DYNC1H1: variants seen among roughly 807,000 people sequenced by gnomAD.
DYNC1H1 encodes dynein cytoplasmic 1 heavy chain 1.
A neutral mutation model predicts 527.1 loss-of-function variants in DYNC1H1; 51 were observed. The observed-to-expected ratio is 0.10, with a 90% CI of 0.08 to 0.12. The LOEUF (loss-of-function observed/expected upper bound fraction) is 0.12. Ranked by LOEUF, DYNC1H1 falls within the 10% of genes least tolerant of loss-of-function variation. The probability of loss-of-function intolerance (pLI) is 1.00; values close to 1 mark genes in which losing one functional copy is unlikely to be tolerated. For missense variants in DYNC1H1, 2,771 were observed against 5,971.8 expected (o/e 0.46, Z 17.66); for synonymous variants, 2,189 against 2,278.8 (o/e 0.96, Z 1.12).
rs1158482184 is a variant in DYNC1H1, at chr14:102,044,230, C to A, written c.12685-44C>A. 6.2e-7 allele frequency: 1 copy of A among 1,610,130 alleles called. No individual in the cohort carries two copies. Among genetic ancestry groups the A allele is most frequent in the African/African-American group, 1.3e-5 (1 of 74,992 alleles). ...CCCTCGAAAGGAAGCCCCGGGCCTGCCCGCCTCTGACCACACACACGAACC... is the reference window on the plus strand; with the variant it reads ...CCCTCGAAAGGAAGCCCCGGGCCTGACCGCCTCTGACCACACACACGAACC... On this transcript the variant is annotated intron_variant, in intron 70 of 77. Transcript: ENST00000360184. This position sits in a 1 kb window ranked among gnomAD's most constrained non-coding sequence, Gnocchi z 7.1.
chr14:102,036,789 C>A lies in DYNC1H1; in HGVS notation c.10908+147C>A. The A allele has an allele frequency of 9.0e-7, 1 of 1,108,974 alleles. No homozygotes were observed. The highest frequency in any genetic ancestry group is 1.3e-6 in the Non-Finnish European group (1 of 743,060). The allele number at this position is 1,108,974 out of a possible 1,614,324, so 68.7% of individuals were successfully genotyped here. A position where few individuals can be genotyped will look rare whatever the true frequency, so the allele number is the denominator to read the frequency against. On this transcript the variant is annotated intron_variant, in intron 57 of 77. Coordinates refer to ENST00000360184, the MANE Select transcript of DYNC1H1 (RefSeq NM_001376.5). This position sits in a 1 kb window ranked among gnomAD's most constrained non-coding sequence, Gnocchi z 5.6. ...GTGGTTCTGTAATAGATAAATTCAA[C>A]AGAATCATTATTTGCATTTAAAATT...
In DYNC1H1 at chr14:102,005,463, A is replaced by G. The variant is rs981540188; in HGVS notation, c.5433+227A>G. On this transcript the variant is annotated intron_variant, in intron 26 of 77. Coordinates refer to ENST00000360184, the MANE Select transcript of DYNC1H1 (RefSeq NM_001376.5). The surrounding 1 kb of genome is among the most constrained non-coding windows in gnomAD (Gnocchi z 4.0). ...ACATCACGGTAGAGAGGAAGGGATCAACCTTGGTCAGGATCTCTTGCTCTT... is the reference window on the plus strand; with the variant it reads ...ACATCACGGTAGAGAGGAAGGGATCGACCTTGGTCAGGATCTCTTGCTCTT... Among the ~76,000 whole-genome samples, 1 of 152,192 alleles carries G rather than the reference A, an allele frequency of 6.6e-6. No individual in the cohort carries two copies. The highest frequency in any genetic ancestry group is 2.4e-5 in the African/African-American group (1 of 41,446).
rs1016681268 is a variant in DYNC1H1, at chr14:102,018,342, G to A, written c.8178-109G>A. ...ATGTCAAGTCTGCATAGCTGGGTTA[G>A]GAAGCGACCTCCAGACAGGGCCCTG... On this transcript the variant is annotated intron_variant, in intron 40 of 77. Transcript: ENST00000360184. This position sits in a 1 kb window ranked among gnomAD's most constrained non-coding sequence, Gnocchi z 5.2. 1.3e-5 allele frequency: 19 copies of A among 1,493,640 alleles called. No individual in the cohort carries two copies. The African/African-American group carries it at 2.3e-4, about 18-fold the overall frequency. The allele number at this position is 1,493,640 out of a possible 1,614,324, so 92.5% of individuals were successfully genotyped here. A position where few individuals can be genotyped will look rare whatever the true frequency, so the allele number is the denominator to read the frequency against.
In DYNC1H1 at chr14:102,046,228, A is replaced by G. The variant is rs1383085002; in HGVS notation, c.13006+1530A>G. Among the ~76,000 whole-genome samples, 3 of 151,094 alleles carry G rather than the reference A, an allele frequency of 2.0e-5. No individual in the cohort carries two copies. In the East Asian group the frequency reaches 5.8e-4, roughly 29 times the overall value. The stretch of plus-strand genomic sequence containing the variant: ...CTGCCCAGGCGCACTCTATCAGGAC[A>G]GGGGATGGGCCCAGCAACTGGCCTT... On this transcript the variant is annotated intron_variant, in intron 72 of 77. Transcript: ENST00000360184.
intron 69 of DYNC1H1, chr14:102,043,158 C>T (rs1203708585): frequency 1.2e-5 from 4 of 322,118 alleles, no homozygotes; most frequent in Admixed American, 8.7e-5. Flanking sequence ...TGGCGTGCGC[C>T]TATAATCCCA....
rs999968431 is a variant in DYNC1H1 at position 101,983,898 on chromosome 14, T to C, written c.1461+289T>C. 1.3e-5 allele frequency among the ~76,000 whole-genome samples: 2 copies of C among 152,110 alleles called. No individual in the cohort carries two copies. ...TTTACCATGTTGGCCAGGCTGGTTT[T>C]GAACTGGCCTTCAAGTGTTCCACCT... On this transcript the variant is annotated intron_variant, in intron 7 of 77. Transcript: ENST00000360184. This position sits in a 1 kb window ranked among gnomAD's most constrained non-coding sequence, Gnocchi z 5.3.
chr14:101,998,972 C>T (rs180679608), intron 16 of DYNC1H1, among the ~76,000 whole-genome samples: 1 of 148,826 alleles, frequency 6.7e-6, no homozygotes, highest in East Asian at 2.0e-4. Context: ...AGCTCTGCCT[C>T]CTGGCTTCAT....
Position 101,997,017 on chromosome 14 carries a change from A to AT in DYNC1H1, c.3565-12dup, listed in dbSNP as rs1567004013. 1 of 1,608,402 alleles carries AT rather than the reference A, an allele frequency of 6.2e-7. No homozygotes were observed. Among genetic ancestry groups the AT allele is most frequent in the Non-Finnish European group, 8.5e-7 (1 of 1,177,038 alleles). On this transcript the variant is annotated splice_polypyrimidine_tract_variant and intron_variant, in intron 15 of 77. Transcript: ENST00000360184. This position sits in a 1 kb window ranked among gnomAD's most constrained non-coding sequence, Gnocchi z 4.8. ...TGTTATAGAAGAAAAAACTTGATTTATTTTTTAACTCTCAAAGCTCTACCG... is the reference window on the plus strand; with the variant it reads ...TGTTATAGAAGAAAAAACTTGATTTATTTTTTTAACTCTCAAAGCTCTACCG...
In DYNC1H1 at chr14:102,036,372, C is replaced by A; in HGVS notation, c.10755-117C>A. ...CCTGAAAACGTCTCCGGAAACCACT[C>A]TCGGGTGGTGGTAACAGCCTATCAA... On this transcript the variant is annotated intron_variant, in intron 56 of 77. Transcript: ENST00000360184. This position sits in a 1 kb window ranked among gnomAD's most constrained non-coding sequence, Gnocchi z 5.6. The A allele has an allele frequency of 7.2e-7, 1 of 1,392,138 alleles. No individual in the cohort carries two copies. Among genetic ancestry groups the A allele is most frequent in the Non-Finnish European group, 1.0e-6 (1 of 987,492 alleles). 86.2% of individuals were successfully genotyped at this position (1,392,138 alleles called of 1,614,324 possible). A position where few individuals can be genotyped will look rare whatever the true frequency, so the allele number is the denominator to read the frequency against.
intron 2 of DYNC1H1, among the ~76,000 whole-genome samples, chr14:101,978,618 A>G (rs991230837): frequency 6.6e-6 from 1 of 152,240 alleles, no homozygotes; most frequent in East Asian, 1.9e-4. Flanking sequence ...ACACAAAGAA[A>G]TAAAACCTGC....
rs1213979208 is a variant in DYNC1H1 at position 102,050,802 on chromosome 14, G to A, written c.*239G>A. The A allele has an allele frequency of 3.7e-6, 2 of 538,030 alleles. No homozygotes were observed. Among genetic ancestry groups the A allele is most frequent in the Admixed American group, 2.9e-5 (1 of 34,342 alleles). The allele number at this position is 538,030 out of a possible 1,614,324, so 33.3% of individuals were successfully genotyped here. On this transcript the variant is annotated 3_prime_UTR_variant, in exon 78 of 78. Transcript: ENST00000360184. Reference sequence around the variant, plus strand: ...AAAACACTAAGCATGAGCCGGCTCCGCCTCTTCTGTCTCCGCTTTCATCCC... The same window carrying A: ...AAAACACTAAGCATGAGCCGGCTCCACCTCTTCTGTCTCCGCTTTCATCCC...
rs2048819062 is a variant in DYNC1H1 at position 102,052,089 on chromosome 14, A to T, written c.*1526A>T. ...GGGCTCCTCCTATCTCAGCCTCTCA[A>T]AGTGCCGGGGTTCTAGGTGTGAGTC... On this transcript the variant is annotated 3_prime_UTR_variant, in exon 78 of 78. Transcript: ENST00000360184. The T allele has an allele frequency of 6.6e-6, 1 of 151,934 alleles. No individual in the cohort carries two copies. The highest frequency in any genetic ancestry group is 1.5e-5 in the Non-Finnish European group (1 of 67,984). The allele number at this position is 151,934 out of a possible 1,614,324, so 9.4% of individuals were successfully genotyped here.
chr14:101,964,771 T>C lies in DYNC1H1; in HGVS notation c.80T>C (p.Val27Ala), dbSNP rs2047644160. 4 of 1,599,646 alleles carry C rather than the reference T, an allele frequency of 2.5e-6. No individual in the cohort carries two copies. The highest frequency in any genetic ancestry group is 3.4e-6 in the Non-Finnish European group (4 of 1,176,094). The change falls in exon 1 of 78, where the codon GTG becomes GCG. Residue 27 changes from valine (V) to alanine (A), a missense_variant. This residue lies in a region of DYNC1H1 where 101 missense variants were observed against 105.3 expected (regional missense o/e 0.96). Transcript: ENST00000360184. The surrounding 1 kb of genome is among the most constrained non-coding windows in gnomAD (Gnocchi z 5.5). ...TCGGCCGTGCAGAATGTGGCGGACGTGTCGGTGCTGCAGAAGCACCTGCGC... is the reference window on the plus strand; with the variant it reads ...TCGGCCGTGCAGAATGTGGCGGACGCGTCGGTGCTGCAGAAGCACCTGCGC... ...EVSAVQNVAD[V>A]SVLQKHLRKL...
chr14:102,049,713 G>T lies in DYNC1H1; in HGVS notation c.13516-1G>T. ...CCCCTGGGGGCTGCTGCTTTCCACAGAACATCCACGTGTGCCTGGGTGGCC... is the reference window on the plus strand; with the variant it reads ...CCCCTGGGGGCTGCTGCTTTCCACATAACATCCACGTGTGCCTGGGTGGCC... On this transcript the variant is annotated splice_acceptor_variant, in intron 75 of 77. Coordinates refer to ENST00000360184, the MANE Select transcript of DYNC1H1 (RefSeq NM_001376.5). LOFTEE classifies it high-confidence loss of function. The surrounding 1 kb of genome is among the most constrained non-coding windows in gnomAD (Gnocchi z 5.5). 1 of 1,613,920 alleles carries T rather than the reference G, an allele frequency of 6.2e-7. No individual in the cohort carries two copies. Among genetic ancestry groups the T allele is most frequent in the South Asian group, 1.1e-5 (1 of 91,062 alleles).
chr14:102,041,635 G>A lies in DYNC1H1; in HGVS notation c.12003G>A (p.Leu4001=), dbSNP rs1012098469. ...LLIQAFRPDR[L]LAMAHMFVST... ...TCCAGGCTTTCCGGCCCGATCGCCT[G>A]TTGGCCATGGCCCACATGTTTGTTT... Residue 4001 remains leucine (L), a synonymous_variant, in exon 65 of 78, where the codon CTG becomes CTA. Coordinates refer to ENST00000360184, the MANE Select transcript of DYNC1H1 (RefSeq NM_001376.5). The surrounding 1 kb of genome is among the most constrained non-coding windows in gnomAD (Gnocchi z 4.5). The A allele has an allele frequency of 1.2e-6, 2 of 1,614,232 alleles. No individual in the cohort carries two copies. Among genetic ancestry groups the A allele is most frequent in the Non-Finnish European group, 8.5e-7 (1 of 1,180,048 alleles).
chr14:102,052,185 G>T lies in DYNC1H1; in HGVS notation c.*1622G>T, dbSNP rs980735309. On this transcript the variant is annotated 3_prime_UTR_variant, in exon 78 of 78. Coordinates refer to ENST00000360184, the MANE Select transcript of DYNC1H1 (RefSeq NM_001376.5). ...GTCTCACTCGGTTGCCCAGGCTGGA[G>T]TGCAGTGGCGTGACCATGGCTCACT... 3 of 152,280 alleles carry T rather than the reference G, an allele frequency of 2.0e-5. No individual in the cohort carries two copies. Among genetic ancestry groups the T allele is most frequent in the African/African-American group, 7.2e-5 (3 of 41,420 alleles). The allele number at this position is 152,280 out of a possible 1,614,324, so 9.4% of individuals were successfully genotyped here.
chr14:102,016,694 G>A lies in DYNC1H1; in HGVS notation c.7615-72G>A. ...CCTTGTTCTGAAAGTTCAAGTTTGT[G>A]TTCAGGTAAACAAACCTCGTGAGGA... On this transcript the variant is annotated intron_variant, in intron 37 of 77. Transcript: ENST00000360184. The surrounding 1 kb of genome is among the most constrained non-coding windows in gnomAD (Gnocchi z 7.3). 1 of 1,564,032 alleles carries A rather than the reference G, an allele frequency of 6.4e-7. No individual in the cohort carries two copies. Among genetic ancestry groups the A allele is most frequent in the Non-Finnish European group, 8.7e-7 (1 of 1,149,246 alleles).
chr14:101,964,710 G>T lies in DYNC1H1; in HGVS notation c.19G>T (p.Gly7Cys), dbSNP rs769682126. 1 of 1,596,470 alleles carries T rather than the reference G, an allele frequency of 6.3e-7. No homozygotes were observed. The highest frequency in any genetic ancestry group is 8.5e-7 in the Non-Finnish European group (1 of 1,176,122). The change falls in exon 1 of 78, where the codon GGC becomes TGC. Residue 7 changes from glycine to cysteine, a missense_variant. Coordinates refer to ENST00000360184, the MANE Select transcript of DYNC1H1 (RefSeq NM_001376.5). The surrounding 1 kb of genome is among the most constrained non-coding windows in gnomAD (Gnocchi z 5.5). MSEPGG[G>C]GGEDGSAGLE... ...CGACACCATGTCGGAGCCCGGGGGC[G>T]GCGGCGGCGAGGACGGCTCGGCCGG...
In DYNC1H1 at chr14:101,985,925, G is replaced by A. The variant is rs587781253; in HGVS notation, c.1700G>A (p.Arg567His). The change falls in exon 8 of 78, where the codon CGC becomes CAC. Residue 567 changes from arginine to histidine, a missense_variant. Arg to His is a conservative substitution (Grantham distance 29). Coordinates refer to ENST00000360184, the MANE Select transcript of DYNC1H1 (RefSeq NM_001376.5). The surrounding 1 kb of genome is among the most constrained non-coding windows in gnomAD (Gnocchi z 5.9). Reference protein sequence around the residue: ...IDRVETRITARLRDQLGTAKN... With the variant: ...IDRVETRITAHLRDQLGTAKN... ...AGAGTGGAGACCCGGATCACCGCTCGCCTTCGGGATCAGCTTGGCACAGCC... is the reference window on the plus strand; with the variant it reads ...AGAGTGGAGACCCGGATCACCGCTCACCTTCGGGATCAGCTTGGCACAGCC... 12 of 1,614,212 alleles carry A rather than the reference G, an allele frequency of 7.4e-6. No individual in the cohort carries two copies. Among genetic ancestry groups the A allele is most frequent in the Non-Finnish European group, 1.0e-5 (12 of 1,180,044 alleles).
Sources: allele counts gnomAD v4.1 joint callset (sites outside exome capture counted in the v4.1 genomes callset), GRCh38; gene constraint gnomAD v4.1.1; regional missense constraint gnomAD v4.1.1; non-coding constraint Gnocchi (gnomAD v3.1); transcripts MANE v1.5; gene names NCBI Gene and HGNC (gene_info 2026-07-23, HGNC 2026-07-21).